Variants in HCRTR2 observed in about 807,000 individuals in gnomAD.
HCRTR2 encodes hypocretin receptor 2.
Under a neutral mutation model 49.0 loss-of-function variants are expected in HCRTR2, and 22 were observed. The observed-to-expected ratio is 0.45, with a 90% CI of 0.32 to 0.64. The LOEUF is 0.64. Among genes scored for constraint, HCRTR2 ranks in the 30% least tolerant of loss-of-function variants. The pLI is 0.04. For missense variants in HCRTR2, 491 were observed against 559.4 expected (o/e 0.88, Z 1.23); for synonymous variants, 236 against 205.3 (o/e 1.15, Z -1.28).
intron 1 of HCRTR2, among the ~76,000 whole-genome samples, chr6:55,243,912 T>C (rs753909466): frequency 6.6e-5 from 10 of 152,136 alleles, no homozygotes; most frequent in African/African-American, 1.4e-4. Flanking sequence ...TTAAAAGATA[T>C]TTTGTGAAGC....
intron 1 of HCRTR2, among the ~76,000 whole-genome samples, chr6:55,109,490 A>G (rs1007012976): frequency 3.9e-5 from 6 of 152,118 alleles, no homozygotes; most frequent in Non-Finnish European, 5.9e-5. Flanking sequence ...TAGGATATGG[A>G]TGGAAAAATC....
intron 1 of HCRTR2, among the ~76,000 whole-genome samples, chr6:55,153,703 T>A (rs2127259106): frequency 6.6e-6 from 1 of 152,066 alleles, no homozygotes; most frequent in Non-Finnish European, 1.5e-5. Context: ...TTGAGATCCA[T>A]ACTGGTGGAG....
chr6:55,237,016 C>T (rs1198329085), intron 1 of HCRTR2, among the ~76,000 whole-genome samples: 1 of 151,990 alleles, frequency 6.6e-6, no homozygotes, highest in Non-Finnish European at 1.5e-5. Context: ...CCTCTCTGTT[C>T]TTTAGCTTGG....
chr6:55,121,382 G>A (rs543785984), intron 1 of HCRTR2, among the ~76,000 whole-genome samples: 6 of 152,192 alleles, frequency 3.9e-5, no homozygotes, highest in African/African-American at 9.6e-5. Context: ...GGGCTGAGAT[G>A]ATGGGATTTT....
At chr6:55,154,022 CT>C (rs1764697888) in intron 1 of HCRTR2, among the ~76,000 whole-genome samples, 1 of 151,428 alleles carries the variant, frequency 6.6e-6, no homozygotes, top group Non-Finnish European at 1.5e-5. Flanking sequence ...ATTGGACAAC[CT>C]AGAAAAAAAA....
At chr6:55,262,419 TATA>T (rs527516610) in intron 3 of HCRTR2, among the ~76,000 whole-genome samples, 1,371 of 136,746 alleles carry the variant, frequency 0.01, 26 homozygotes, top group African/African-American at 0.036. Context: ...ATATGTTATA[TATA>T]ATATTACATA....
intron 1 of HCRTR2, among the ~76,000 whole-genome samples, chr6:55,160,902 C>T (rs1296888760): frequency 6.6e-6 from 1 of 152,124 alleles, no homozygotes. Context: ...TAACACCCCA[C>T]TGTCAATATT....
intron 1 of HCRTR2, among the ~76,000 whole-genome samples, chr6:55,154,385 A>C (rs1169300020): frequency 6.6e-6 from 1 of 151,872 alleles, no homozygotes; most frequent in Non-Finnish European, 1.5e-5. Context: ...GTAAAATCCT[A>C]GCAAACTAAA....
At chr6:55,159,897 A>T (rs1764782566) in intron 1 of HCRTR2, among the ~76,000 whole-genome samples, 1 of 152,232 alleles carries the variant, frequency 6.6e-6, no homozygotes, top group Non-Finnish European at 1.5e-5. Flanking sequence ...GAAAGGAATC[A>T]AGTTGGAAAA....
chr6:55,130,164 G>T (rs151330074), intron 1 of HCRTR2, among the ~76,000 whole-genome samples: 41 of 151,824 alleles, frequency 2.7e-4, no homozygotes, highest in Non-Finnish European at 5.0e-4. Context: ...TTAAACATTT[G>T]ATCACTAATC....
rs34491203 is a variant in HCRTR2 at position 55,143,340 on chromosome 6, C to T, written c.-377-30871C>T. On this transcript the variant is annotated intron_variant, in intron 1 of 7. Coordinates refer to the HCRTR2 transcript ENST00000615358. ...AGAATACAGAATAAAATGCTTTTCTCCAGTTTTTGTAATTATGTCAATACA... is the reference window on the plus strand; with the variant it reads ...AGAATACAGAATAAAATGCTTTTCTTCAGTTTTTGTAATTATGTCAATACA... Among the ~76,000 whole-genome samples the T allele has an allele frequency of 6.5e-3, 985 of 152,164 alleles. 7 individuals are homozygous for T. Among genetic ancestry groups the T allele is most frequent in the South Asian group, 0.023 (109 of 4,810 alleles).
At chr6:55,164,048 G>A (rs1356566703) in intron 1 of HCRTR2, among the ~76,000 whole-genome samples, 1 of 152,148 alleles carries the variant, frequency 6.6e-6, no homozygotes, top group Non-Finnish European at 1.5e-5. Flanking sequence ...GGTCATTGGA[G>A]AAATGCAAAT....
chr6:55,107,017 G>A (rs1406560977), intron 1 of HCRTR2, among the ~76,000 whole-genome samples: 1 of 152,142 alleles, frequency 6.6e-6, no homozygotes, highest in African/African-American at 2.4e-5. Context: ...GTAAGTGATT[G>A]CTATGACTGT....
intron 1 of HCRTR2, among the ~76,000 whole-genome samples, chr6:55,179,213 C>G (rs902937954): frequency 4.1e-4 from 63 of 152,110 alleles, no homozygotes; most frequent in Non-Finnish European, 4.3e-4. Flanking sequence ...ATTTTAGTTT[C>G]ATGGGTGTTT....
chr6:55,132,753 T>C (rs368820186), intron 1 of HCRTR2, among the ~76,000 whole-genome samples: 13 of 6,880 alleles, frequency 1.9e-3, no homozygotes, highest in Non-Finnish European at 2.5e-3. Flanking sequence ...CTCTCTCTCT[T>C]TTTTTTTTTT....
chr6:55,188,886 T>C (rs1244894542), intron 1 of HCRTR2, among the ~76,000 whole-genome samples: 2 of 152,222 alleles, frequency 1.3e-5, no homozygotes, highest in Non-Finnish European at 2.9e-5. Flanking sequence ...TGAGTTATTG[T>C]TGACATGTGA....
intron 1 of HCRTR2, among the ~76,000 whole-genome samples, chr6:55,164,024 A>C (rs933741603): frequency 9.9e-5 from 15 of 152,214 alleles, no homozygotes; most frequent in African/African-American, 3.1e-4. Context: ...TACAAAAAAA[A>C]GCTTATCATC....
chr6:55,209,357 A>G (rs1765657920), intron 1 of HCRTR2, among the ~76,000 whole-genome samples: 1 of 152,240 alleles, frequency 6.6e-6, no homozygotes, highest in Non-Finnish European at 1.5e-5. Flanking sequence ...GCCCACTTAG[A>G]CAATGAGTGA....
chr6:55,245,422 C>T (rs113932280), intron 1 of HCRTR2, among the ~76,000 whole-genome samples: 2 of 133,962 alleles, frequency 1.5e-5, no homozygotes, highest in African/African-American at 5.6e-5. Flanking sequence ...CATAGGAATA[C>T]ATACATGTAT....
Sources: gnomAD v4.1 joint callset for allele counts (sites outside exome capture counted in the v4.1 genomes callset) on GRCh38, gnomAD v4.1.1 for gene constraint, MANE v1.5 for transcripts, NCBI Gene and HGNC (gene_info 2026-07-23, HGNC 2026-07-21) for gene names.